The following MGAT4A variants were observed in gnomAD, a reference collection of about 807,000 sequenced individuals.
The protein encoded by MGAT4A is N-acetylglucosaminyltransferase IVa.
MGAT4A carries 33 observed loss-of-function variants against 74.1 expected under a neutral mutation model. The ratio of observed to expected loss-of-function variants is 0.45; its 90% CI spans 0.34 to 0.60. The LOEUF (loss-of-function observed/expected upper bound fraction) is 0.60. MGAT4A is among the 20% of genes least tolerant of loss of function. MGAT4A has a pLI of 0.02. For synonymous variants in MGAT4A, 198 were observed against 210.4 expected (o/e 0.94, Z 0.51); for missense variants, 479 against 628.3 (o/e 0.76, Z 2.54).
chr2:98,644,557 A>G (rs1482223317), intron 9 of MGAT4A, among the ~76,000 whole-genome samples: 1 of 152,210 alleles, frequency 6.6e-6, no homozygotes, highest in Non-Finnish European at 1.5e-5. Context: ...GTTAAAAAGT[A>G]CCATAGGAGA....
At chr2:98,665,373 C>T (rs1170668664) in intron 4 of MGAT4A, among the ~76,000 whole-genome samples, 7 of 149,248 alleles carry the variant, frequency 4.7e-5, no homozygotes, top group African/African-American at 1.5e-4. Flanking sequence ...CAGAAGGGAG[C>T]GTAAAGACCA....
chr2:98,643,875 G>T, intron 10 of MGAT4A, 48 bp downstream of exon 10: 2 of 1,404,928 alleles, frequency 1.4e-6, no homozygotes, highest in South Asian at 1.8e-5. Flanking sequence ...TCACTTTCAC[G>T]AAATACAGAA....
At chr2:98,661,871 C>G (rs1701754289) in intron 5 of MGAT4A, among the ~76,000 whole-genome samples, 1 of 152,166 alleles carries the variant, frequency 6.6e-6, no homozygotes, top group South Asian at 2.1e-4. Flanking sequence ...CAGCAGGATC[C>G]TTTTTAAAAA....
At chr2:98,713,724 T>A (rs1702550290) in intron 2 of MGAT4A, among the ~76,000 whole-genome samples, 1 of 152,150 alleles carries the variant, frequency 6.6e-6, no homozygotes, top group South Asian at 2.1e-4. Context: ...AAGAGACACA[T>A]CTCTCAGCAT....
At chr2:98,703,935 C>T (rs754051892) in intron 2 of MGAT4A, among the ~76,000 whole-genome samples, 5 of 152,124 alleles carry the variant, frequency 3.3e-5, no homozygotes, top group Non-Finnish European at 7.4e-5. Flanking sequence ...GCCGTCATTC[C>T]CACCTCAGTC....
In MGAT4A at chr2:98,621,932, G is replaced by A. The variant is rs1701066588; in HGVS notation, c.*3634C>T. 1.0e-6 allele frequency: 1 copy of A among 996,266 alleles called. No individual in the cohort carries two copies. Among genetic ancestry groups the A allele is most frequent in the Non-Finnish European group, 1.2e-6 (1 of 836,934 alleles). 61.7% of individuals were successfully genotyped at this position (996,266 alleles called of 1,614,324 possible). ...GGGTATTCAACCATCTCCAATTGTT[G>A]AACAAATACACACATACGTATCTAC... On this transcript the variant is annotated 3_prime_UTR_variant, in exon 16 of 16. Coordinates refer to ENST00000393487, the MANE Select transcript of MGAT4A (RefSeq NM_012214.3).
At chr2:98,642,412 A>G (rs1176463468) in intron 10 of MGAT4A, among the ~76,000 whole-genome samples, 19 of 152,218 alleles carry the variant, frequency 1.2e-4, no homozygotes, top group Admixed American at 1.2e-3. Context: ...TCGAGATTCT[A>G]GGGGAAGCAA....
chr2:98,648,936 A>G (rs1701536311), intron 8 of MGAT4A, among the ~76,000 whole-genome samples: 1 of 152,146 alleles, frequency 6.6e-6, no homozygotes, highest in Non-Finnish European at 1.5e-5. Flanking sequence ...CTGGGAGGCT[A>G]AAACAGGAGG....
At chr2:98,713,385 C>A (rs917703807) in intron 2 of MGAT4A, among the ~76,000 whole-genome samples, 6 of 151,448 alleles carry the variant, frequency 4.0e-5, no homozygotes, top group African/African-American at 1.5e-4. Context: ...CTAGAGTTTT[C>A]TCCCAAAAAC....
At position 98,619,457 on chromosome 2, in the gene MGAT4A, C is replaced by G. The variant is rs1575234606; in HGVS notation, c.*6109G>C. The G allele has an allele frequency of 6.6e-6, 1 of 152,288 alleles. No individual in the cohort carries two copies. Among genetic ancestry groups the G allele is most frequent in the Middle Eastern group, 3.4e-3 (1 of 294 alleles). The allele number at this position is 152,288 out of a possible 1,614,324, so 9.4% of individuals were successfully genotyped here. ...TAAGGGATGCTTCCAGAAACATCCC[C>G]TAATGCAGACAACCTTTCCAAAGTG... On this transcript the variant is annotated 3_prime_UTR_variant, in exon 16 of 16. Transcript: ENST00000393487.
intron 2 of MGAT4A, among the ~76,000 whole-genome samples, chr2:98,723,728 T>A (rs570453028): frequency 6.6e-6 from 1 of 152,320 alleles, no homozygotes; most frequent in East Asian, 1.9e-4. Flanking sequence ...ATATGCCCAG[T>A]GTTCCCCACT....
In MGAT4A at chr2:98,621,968, CTAAA is replaced by C. The variant is rs1408026119; in HGVS notation, c.*3594_*3597del. On this transcript the variant is annotated 3_prime_UTR_variant, in exon 16 of 16. Coordinates refer to ENST00000393487, the MANE Select transcript of MGAT4A (RefSeq NM_012214.3). ...CACATACGTATCTACAGCCTATGTGCTAAATAATCCTTTGTGTTAACTTTTTCCA... is the reference window on the plus strand; with the variant it reads ...CACATACGTATCTACAGCCTATGTGCTAATCCTTTGTGTTAACTTTTTCCA... 2 of 988,782 alleles carry C rather than the reference CTAAA, an allele frequency of 2.0e-6. No homozygotes were observed. Among genetic ancestry groups the C allele is most frequent in the Non-Finnish European group, 2.4e-6 (2 of 832,302 alleles). The allele number at this position is 988,782 out of a possible 1,614,324, so 61.3% of individuals were successfully genotyped here.
Position 98,663,097 on chromosome 2 carries a change from G to A in MGAT4A, c.486C>T (p.Asn162=), listed in dbSNP as rs768038932. ...AGTCCAACTTCTCTTCAGGATACAG[G>A]TTATCAATAAGGGAATGAAGAGTTT... is the stretch of plus-strand genomic sequence containing the variant. ...LIETLHSLID[N]LYPEEKLDCV... is the part of the protein sequence containing the mutation. Residue 162 remains asparagine, a synonymous_variant, in exon 5 of 16, where the codon AAC becomes AAT. Coordinates refer to ENST00000393487, the MANE Select transcript of MGAT4A (RefSeq NM_012214.3). 1.2e-6 allele frequency: 2 copies of A among 1,600,618 alleles called. No homozygotes were observed.
chr2:98,704,593 G>C (rs1375679114), intron 2 of MGAT4A, among the ~76,000 whole-genome samples: 1 of 151,928 alleles, frequency 6.6e-6, no homozygotes, highest in Non-Finnish European at 1.5e-5. Flanking sequence ...GGGACAGAGT[G>C]AGACCCCGTC....
chr2:98,647,621 TA>T (rs1421577288), intron 8 of MGAT4A, among the ~76,000 whole-genome samples: 1 of 152,122 alleles, frequency 6.6e-6, no homozygotes, highest in Non-Finnish European at 1.5e-5. Context: ...GCCCGGCCCA[TA>T]ACGCGCTTTC....
chr2:98,715,935 G>A (rs989840913), intron 2 of MGAT4A, among the ~76,000 whole-genome samples: 4 of 152,236 alleles, frequency 2.6e-5, no homozygotes, highest in Non-Finnish European at 5.9e-5. Context: ...GGAAAAGCCT[G>A]TCAGACACCA....
chr2:98,687,834 G>C (rs561357053), intron 2 of MGAT4A, among the ~76,000 whole-genome samples: 1 of 152,158 alleles, frequency 6.6e-6, no homozygotes, highest in African/African-American at 2.4e-5. Flanking sequence ...TCCAGGCTGC[G>C]GCACTCCCAC....
In MGAT4A at chr2:98,624,774, T is replaced by G; in HGVS notation, c.*792A>C. On this transcript the variant is annotated 3_prime_UTR_variant, in exon 16 of 16. Coordinates refer to ENST00000393487, the MANE Select transcript of MGAT4A (RefSeq NM_012214.3). ...ATGCATCACACTTACACATTGAAAA[T>G]TTATCAGACTGACTTTCTGTGGCTA... 1 of 984,688 alleles carries G rather than the reference T, an allele frequency of 1.0e-6. No homozygotes were observed. Among genetic ancestry groups the G allele is most frequent in the Non-Finnish European group, 1.2e-6 (1 of 828,856 alleles). The allele number at this position is 984,688 out of a possible 1,614,324, so 61.0% of individuals were successfully genotyped here.
intron 2 of MGAT4A, among the ~76,000 whole-genome samples, chr2:98,695,865 T>C (rs1702265475): frequency 6.6e-6 from 1 of 151,338 alleles, no homozygotes; most frequent in African/African-American, 2.4e-5. Flanking sequence ...TTAAAGAGTG[T>C]TCCACAGAAC....
Sources: gnomAD v4.1 joint callset for allele counts (sites outside exome capture counted in the v4.1 genomes callset) on GRCh38, gnomAD v4.1.1 for gene constraint, MANE v1.5 for transcripts, NCBI Gene and HGNC (gene_info 2026-07-23, HGNC 2026-07-21) for gene names.